The following VPS54 variants were observed in gnomAD, a reference collection of about 807,000 sequenced individuals.
VPS54 encodes vacuolar protein sorting-associated protein 54.
In VPS54, 45 loss-of-function variants were observed where a neutral mutation model predicts 121.5. The ratio of observed to expected loss-of-function variants is 0.37; its 90% CI spans 0.29 to 0.47. The LOEUF is 0.47. VPS54 is among the 20% of genes least tolerant of loss of function. VPS54 has a pLI of 0.99. For synonymous variants in VPS54, 371 were observed against 385.8 expected (o/e 0.96, Z 0.45); for missense variants, 1,090 against 1,131.4 (o/e 0.96, Z 0.52).
chr2:63,931,296 C>A (rs756115982), intron 12 of VPS54, among the ~76,000 whole-genome samples: 14 of 152,038 alleles, frequency 9.2e-5, no homozygotes, highest in Non-Finnish European at 1.6e-4. Context: ...GATACCGGTA[C>A]CAAAACAGAT....
At position 63,897,509 on chromosome 2, in the gene VPS54, C is replaced by T. The variant is rs1230833830; in HGVS notation, c.2815G>A (p.Gly939Arg). Residue 939 changes from glycine (G) to arginine (R), a missense_variant, in exon 22 of 23, where the codon GGA becomes AGA. Physicochemically the swap from Gly to Arg is moderately radical, Grantham distance 125 (BLOSUM62 -2). This residue lies in a region of VPS54 where 289 missense variants were observed against 374.4 expected (regional missense o/e 0.77). Coordinates refer to ENST00000272322, the MANE Select transcript of VPS54 (RefSeq NM_016516.3). ...TAAAAAACATACCCATTTTGAGGTC[C>T]TCCATCATTTATCACATTTAAGTGA... ...LSHLNVINDG[G>R]PQNGLVTADV... is the part of the protein sequence containing the mutation. 2 of 1,595,914 alleles carry T rather than the reference C, an allele frequency of 1.3e-6. No homozygotes were observed. Among genetic ancestry groups the T allele is most frequent in the African/African-American group, 1.3e-5 (1 of 74,312 alleles).
At chr2:63,916,778 T>C in intron 16 of VPS54, 122 bp downstream of exon 16, 1 of 857,766 alleles carries the variant, frequency 1.2e-6, no homozygotes, top group Non-Finnish European at 1.9e-6. Context: ...TTAAAACAGT[T>C]AATCCAAATT....
chr2:63,934,327 C>T (rs555240410), intron 11 of VPS54, among the ~76,000 whole-genome samples: 3 of 152,246 alleles, frequency 2.0e-5, no homozygotes, highest in Admixed American at 2.0e-4. Flanking sequence ...ACATAACTTG[C>T]CCATCAGAGA....
chr2:63,982,026 AAATC>A (rs1213274068), intron 2 of VPS54, 139 bp from the exon 3 acceptor site: 2 of 941,044 alleles, frequency 2.1e-6, no homozygotes, highest in African/African-American at 3.4e-5. Context: ...GATTTAATAA[AAATC>A]AATCTGATTG....
chr2:64,006,629 CTTT>C (rs569562947), intron 1 of VPS54, among the ~76,000 whole-genome samples: 1 of 135,888 alleles, frequency 7.4e-6, no homozygotes, highest in Non-Finnish European at 1.6e-5. Flanking sequence ...TTATTATAAA[CTTT>C]TTTTTTTTGA....
At chr2:63,930,498 T>A (rs918438404) in intron 12 of VPS54, among the ~76,000 whole-genome samples, 1 of 152,178 alleles carries the variant, frequency 6.6e-6, no homozygotes, top group Admixed American at 6.5e-5. Context: ...AAACTAGGTA[T>A]TGATGGAACA....
chr2:63,951,206 C>CG (rs373285481), intron 7 of VPS54, among the ~76,000 whole-genome samples: 1 of 134,344 alleles, frequency 7.4e-6, no homozygotes, highest in African/African-American at 2.8e-5. Flanking sequence ...ACAAATTTCC[C>CG]TTTTTTTTTT....
intron 9 of VPS54, 101 bp from the exon 10 acceptor site, chr2:63,944,756 G>T: frequency 1.1e-6 from 1 of 918,808 alleles, no homozygotes; most frequent in Non-Finnish European, 1.6e-6. Context: ...CTTACTATAT[G>T]AACAGACACT....
intron 6 of VPS54, among the ~76,000 whole-genome samples, chr2:63,965,333 A>T (rs1675943445): frequency 6.6e-6 from 1 of 151,962 alleles, no homozygotes; most frequent in Non-Finnish European, 1.5e-5. Flanking sequence ...AAAATTAGCC[A>T]AGCATGGTGG....
rs776983545 is a variant in VPS54, at chr2:63,893,351, C to G, written c.*79G>C. 3.2e-6 allele frequency: 4 copies of G among 1,263,686 alleles called. No individual in the cohort carries two copies. Among genetic ancestry groups the G allele is most frequent in the Non-Finnish European group, 4.6e-6 (4 of 860,896 alleles). 78.3% of individuals were successfully genotyped at this position (1,263,686 alleles called of 1,614,324 possible). A position where few individuals can be genotyped will look rare whatever the true frequency, so the allele number is the denominator to read the frequency against. On this transcript the variant is annotated 3_prime_UTR_variant, in exon 23 of 23. Coordinates refer to ENST00000272322, the MANE Select transcript of VPS54 (RefSeq NM_016516.3). Reference sequence around the variant, plus strand: ...CACTTTGGGTTTCAGGTTCAATTCTCGAATCACAGGCATCCAGATTTTCTT... The same window carrying G: ...CACTTTGGGTTTCAGGTTCAATTCTGGAATCACAGGCATCCAGATTTTCTT...
chr2:63,920,117 TA>T, intron 14 of VPS54, 122 bp from the exon 15 acceptor site: 1 of 723,494 alleles, frequency 1.4e-6, no homozygotes, highest in Non-Finnish European at 2.2e-6. Flanking sequence ...CTGAACACTT[TA>T]ATAAGCAGGA....
intron 1 of VPS54, among the ~76,000 whole-genome samples, chr2:64,017,844 T>C (rs1678781196): frequency 6.6e-6 from 1 of 152,182 alleles, no homozygotes; most frequent in African/African-American, 2.4e-5. Context: ...TGGTAACCTA[T>C]CATAAGCAAT....
At chr2:63,983,475 GTC>G (rs1676893884) in intron 2 of VPS54, among the ~76,000 whole-genome samples, 1 of 110,298 alleles carries the variant, frequency 9.1e-6, no homozygotes. Context: ...GATGGAGTCT[GTC>G]TGTCACCCAG....
chr2:63,897,490 AC>A lies in VPS54; in HGVS notation c.2828+5del. ...GAGTATATGGTGAAAACGTTAAAAA[AC>A]ATACCCATTTTGAGGTCCTCCATCA... is the stretch of plus-strand genomic sequence containing the variant. On this transcript the variant is annotated splice_donor_5th_base_variant and intron_variant, in intron 22 of 22. Transcript: ENST00000272322. The A allele has an allele frequency of 6.4e-7, 1 of 1,570,284 alleles. No individual in the cohort carries two copies. Among genetic ancestry groups the A allele is most frequent in the Non-Finnish European group, 8.7e-7 (1 of 1,151,742 alleles).
At chr2:63,970,518 A>T (rs1676234222) in intron 4 of VPS54, among the ~76,000 whole-genome samples, 1 of 151,348 alleles carries the variant, frequency 6.6e-6, no homozygotes, top group African/African-American at 2.4e-5. Context: ...TCTTGTACTC[A>T]CTCCTTAATA....
intron 1 of VPS54, among the ~76,000 whole-genome samples, chr2:63,987,979 G>C (rs1553483228): frequency 6.6e-6 from 1 of 152,086 alleles, no homozygotes; most frequent in Non-Finnish European, 1.5e-5. Context: ...AGGATAATTT[G>C]ACTCCTTCCT....
intron 1 of VPS54, among the ~76,000 whole-genome samples, chr2:63,992,360 T>TC (rs1449585831): frequency 6.6e-6 from 1 of 152,220 alleles, no homozygotes; most frequent in Non-Finnish European, 1.5e-5. Context: ...CTTATAGTAC[T>TC]CCCAGTCAGC....
intron 1 of VPS54, among the ~76,000 whole-genome samples, chr2:63,984,909 A>C (rs1270627797): frequency 1.3e-5 from 2 of 152,236 alleles, no homozygotes; most frequent in East Asian, 3.8e-4. Flanking sequence ...AGTTCTCTCA[A>C]AACAGAGAAG....
intron 12 of VPS54, among the ~76,000 whole-genome samples, chr2:63,922,100 G>A (rs1673673453): frequency 6.6e-6 from 1 of 152,142 alleles, no homozygotes; most frequent in South Asian, 2.1e-4. Flanking sequence ...TTAAGCGCTA[G>A]GCACTAGAGG....
Sources: allele counts gnomAD v4.1 joint callset (sites outside exome capture counted in the v4.1 genomes callset), GRCh38; gene constraint gnomAD v4.1.1; regional missense constraint gnomAD v4.1.1; transcripts MANE v1.5; gene names NCBI Gene and HGNC (gene_info 2026-07-23, HGNC 2026-07-21).